PTPRD: variants seen among roughly 807,000 people sequenced by gnomAD.
PTPRD encodes receptor-type tyrosine-protein phosphatase delta.
A neutral mutation model predicts 214.5 loss-of-function variants in PTPRD; 34 were observed. The observed-to-expected ratio is 0.16, with a 90% confidence interval of 0.12 to 0.21. The LOEUF (loss-of-function observed/expected upper bound fraction) is 0.21, where lower values mean the gene tolerates loss of function less well. Among genes scored for constraint, PTPRD ranks in the 10% least tolerant of loss-of-function variants. The pLI, the probability that PTPRD is intolerant of heterozygous loss-of-function variation, is 1.00. For synonymous variants in PTPRD, 1,128 were observed against 845.7 expected (o/e 1.33, Z -5.79); for missense variants, 2,545 against 2,398.7 (o/e 1.06, Z -1.27).
intron 11 of PTPRD, among the ~76,000 whole-genome samples, chr9:8,996,510 GGGGT>G (rs1309907930): frequency 6.6e-6 from 1 of 152,020 alleles, no homozygotes; most frequent in Non-Finnish European, 1.5e-5. Context: ...AGGGATCTGT[GGGGT>G]GCCTTACCCC....
chr9:10,320,940 C>G (rs1250323300), intron 3 of PTPRD, among the ~76,000 whole-genome samples: 1 of 151,848 alleles, frequency 6.6e-6, no homozygotes, highest in Non-Finnish European at 1.5e-5. Context: ...GTTGCCGAGG[C>G]TGGTCTCGAA....
chr9:8,964,679 A>G lies in PTPRD; in HGVS notation c.-104+54018T>C, dbSNP rs188653982. Among the ~76,000 whole-genome samples, 335 of 152,140 alleles carry G rather than the reference A, an allele frequency of 2.2e-3. 1 individual carries two copies. The highest frequency in any genetic ancestry group is 7.7e-3 in the African/African-American group (321 of 41,532). ...ATTTGAGATCTCTCTGACTTTTTGA[A>G]GCAGGCATTTAGAACTATAAACTTT... is the stretch of plus-strand genomic sequence containing the variant. On this transcript the variant is annotated intron_variant, in intron 11 of 45. Coordinates refer to ENST00000381196, the MANE Select transcript of PTPRD (RefSeq NM_002839.4).
rs140663962 is a variant in PTPRD at position 9,744,317 on chromosome 9, G to A, written c.-325-9746C>T. ...TTAGAGTAGAGTGGCTGCAATTGAGGCAAACAATTTAAGTAAAAACAAATG... is the reference window on the plus strand; with the variant it reads ...TTAGAGTAGAGTGGCTGCAATTGAGACAAACAATTTAAGTAAAAACAAATG... On this transcript the variant is annotated intron_variant, in intron 6 of 45. Transcript: ENST00000381196. Among the ~76,000 whole-genome samples, 372 of 152,170 alleles carry A rather than the reference G, an allele frequency of 2.4e-3. 3 individuals are homozygous for A. Among genetic ancestry groups the A allele is most frequent in the African/African-American group, 8.5e-3 (354 of 41,548 alleles).
intron 11 of PTPRD, among the ~76,000 whole-genome samples, chr9:8,920,482 A>T (rs1235448355): frequency 6.6e-6 from 1 of 152,210 alleles, no homozygotes. Context: ...CCTTCCTCTA[A>T]GCCAGGGGTA....
At chr9:10,465,614 C>G (rs1244482416) in intron 2 of PTPRD, among the ~76,000 whole-genome samples, 2 of 152,110 alleles carry the variant, frequency 1.3e-5, no homozygotes, top group Admixed American at 1.3e-4. Flanking sequence ...AAAAGCATCA[C>G]CTTTTCTGTG....
chr9:8,859,613 A>G (rs957015084), intron 11 of PTPRD, among the ~76,000 whole-genome samples: 13 of 152,146 alleles, frequency 8.5e-5, no homozygotes, highest in African/African-American at 3.1e-4. Context: ...AGACACCCTT[A>G]GATTTGACTT....
chr9:9,594,425 G>A lies in PTPRD; in HGVS notation c.-286-19644C>T, dbSNP rs1263104126. ...TTTTAGGTCTTAGATTTAAGTCCTTGATGAATCTTGAGTTGATTTTTGCAT... is the reference window on the plus strand; with the variant it reads ...TTTTAGGTCTTAGATTTAAGTCCTTAATGAATCTTGAGTTGATTTTTGCAT... On this transcript the variant is annotated intron_variant, in intron 7 of 45. Coordinates refer to ENST00000381196, the MANE Select transcript of PTPRD (RefSeq NM_002839.4). Among the ~76,000 whole-genome samples, 8 of 152,122 alleles carry A rather than the reference G, an allele frequency of 5.3e-5. No individual in the cohort carries two copies. The East Asian group carries it at 1.6e-3, about 30-fold the overall frequency.
chr9:8,728,765 A>C (rs1366075059), intron 12 of PTPRD, among the ~76,000 whole-genome samples: 3 of 152,148 alleles, frequency 2.0e-5, no homozygotes, highest in Non-Finnish European at 4.4e-5. Flanking sequence ...GGATGATTTG[A>C]GGTTCGAAGT....
intron 11 of PTPRD, among the ~76,000 whole-genome samples, chr9:8,804,093 G>C (rs2096626155): frequency 1.3e-5 from 2 of 151,830 alleles, no homozygotes; most frequent in African/African-American, 2.4e-5. Context: ...ACTGGGATTA[G>C]AGGGGTGTGC....
chr9:10,445,643 T>C (rs1364927317), intron 2 of PTPRD, among the ~76,000 whole-genome samples: 3 of 151,978 alleles, frequency 2.0e-5, no homozygotes, highest in East Asian at 1.9e-4. Context: ...ACCATTAAGA[T>C]AGAGTGAGTC....
intron 6 of PTPRD, among the ~76,000 whole-genome samples, chr9:9,765,625 C>T (rs2098700358): frequency 6.6e-6 from 1 of 152,138 alleles, no homozygotes; most frequent in African/African-American, 2.4e-5. Flanking sequence ...TAACCTTCTC[C>T]CACTACCTAA....
intron 10 of PTPRD, among the ~76,000 whole-genome samples, chr9:9,135,158 T>C (rs1180176080): frequency 1.3e-5 from 2 of 152,244 alleles, no homozygotes; most frequent in Non-Finnish European, 2.9e-5. Context: ...AGACGTATCA[T>C]ATTTTGCCTC....
Position 8,817,897 on chromosome 9 carries a change from T to C in PTPRD, c.-103-83951A>G, listed in dbSNP as rs183738990. Among the ~76,000 whole-genome samples, 5 of 152,312 alleles carry C rather than the reference T, an allele frequency of 3.3e-5. No individual in the cohort carries two copies. The East Asian group carries it at 9.6e-4, about 29-fold the overall frequency. On this transcript the variant is annotated intron_variant, in intron 11 of 45. Transcript: ENST00000381196. ...ACTGGGTTGGAAATAATAACCAAGATAAATTTGGATCAAATAAAACTACAG... is the reference window on the plus strand; with the variant it reads ...ACTGGGTTGGAAATAATAACCAAGACAAATTTGGATCAAATAAAACTACAG...
intron 3 of PTPRD, among the ~76,000 whole-genome samples, chr9:10,329,538 G>T (rs964468176): frequency 6.6e-6 from 1 of 151,794 alleles, no homozygotes; most frequent in African/African-American, 2.4e-5. Context: ...CAAATGGTCT[G>T]TCTGTCTCTC....
At chr9:10,533,638 C>T (rs539794806) in intron 2 of PTPRD, among the ~76,000 whole-genome samples, 1 of 151,672 alleles carries the variant, frequency 6.6e-6, no homozygotes, top group Non-Finnish European at 1.5e-5. Flanking sequence ...AATGAATAGT[C>T]CCATGTATAA....
Position 9,049,922 on chromosome 9 carries a change from G to A in PTPRD, c.-142-31187C>T, listed in dbSNP as rs368597420. ...AGAAACAAGTTTGTAAAGCCACAGTGACATTAATGGTTCCTGAGTCACTTC... is the reference window on the plus strand; with the variant it reads ...AGAAACAAGTTTGTAAAGCCACAGTAACATTAATGGTTCCTGAGTCACTTC... On this transcript the variant is annotated intron_variant, in intron 10 of 45. Coordinates refer to ENST00000381196, the MANE Select transcript of PTPRD (RefSeq NM_002839.4). 3.3e-5 allele frequency among the ~76,000 whole-genome samples: 5 copies of A among 152,180 alleles called. No individual in the cohort carries two copies. The East Asian group carries it at 9.6e-4, about 29-fold the overall frequency.
chr9:9,621,380 A>G (rs1336240756), intron 7 of PTPRD, among the ~76,000 whole-genome samples: 1 of 152,184 alleles, frequency 6.6e-6, no homozygotes, highest in Non-Finnish European at 1.5e-5. Flanking sequence ...ATCCTATTTT[A>G]TTATAGAAAC....
chr9:8,773,648 T>C (rs2095334361), intron 11 of PTPRD, among the ~76,000 whole-genome samples: 1 of 152,212 alleles, frequency 6.6e-6, no homozygotes, highest in South Asian at 2.1e-4. Context: ...TTAAAACACT[T>C]CATTGAATTC....
At chr9:8,824,010 G>A (rs2097128117) in intron 11 of PTPRD, among the ~76,000 whole-genome samples, 1 of 152,146 alleles carries the variant, frequency 6.6e-6, no homozygotes, top group African/African-American at 2.4e-5. Context: ...CATGGCATTT[G>A]TAAACTGTCA....
Sources: gnomAD v4.1 joint callset for allele counts (sites outside exome capture counted in the v4.1 genomes callset) on GRCh38, gnomAD v4.1.1 for gene constraint, MANE v1.5 for transcripts, NCBI Gene and HGNC (gene_info 2026-07-23, HGNC 2026-07-21) for gene names.